CCDC3: variants seen among roughly 807,000 people sequenced by gnomAD.
CCDC3 encodes the protein coiled-coil domain containing 3.
A neutral mutation model predicts 21.4 loss-of-function variants in CCDC3; 24 were observed. The ratio of observed to expected loss-of-function variants is 1.12; its 90% confidence interval spans 0.81 to 1.58. The LOEUF (loss-of-function observed/expected upper bound fraction) is 1.58. Ranked by LOEUF, CCDC3 falls within the 40% of genes most tolerant of loss-of-function variation. CCDC3 has a pLI of 0.00. For missense variants in CCDC3, 425 were observed against 360.9 expected (o/e 1.18, Z -1.44); for synonymous variants, 186 against 166.0 (o/e 1.12, Z -0.93).
chr10:12,953,027 C>T (rs1198469840), intron 2 of CCDC3, among the ~76,000 whole-genome samples: 1 of 152,022 alleles, frequency 6.6e-6, no homozygotes, highest in Admixed American at 6.6e-5. Context: ...CCTGTTGGAC[C>T]CCGTATTAGG....
chr10:12,990,019 G>A (rs11258107), intron 2 of CCDC3, among the ~76,000 whole-genome samples: 13,338 of 151,994 alleles, frequency 0.088, 756 homozygotes, highest in East Asian at 0.14. Context: ...TTGGGAGGCC[G>A]AGGCGGGCAG....
intron 2 of CCDC3, among the ~76,000 whole-genome samples, chr10:12,963,983 G>A (rs917245451): frequency 1.3e-5 from 2 of 151,634 alleles, no homozygotes; most frequent in Non-Finnish European, 2.9e-5. Flanking sequence ...AGCTAATTAA[G>A]CAGGCCTACA....
intron 2 of CCDC3, among the ~76,000 whole-genome samples, chr10:12,912,566 T>C (rs1834286640): frequency 2.0e-5 from 3 of 151,574 alleles, no homozygotes; most frequent in Non-Finnish European, 4.4e-5. Flanking sequence ...CGTAGGTGTT[T>C]TTTTCACTCT....
At chr10:12,955,445 C>T (rs1197653941) in intron 2 of CCDC3, among the ~76,000 whole-genome samples, 1 of 152,140 alleles carries the variant, frequency 6.6e-6, no homozygotes, top group Non-Finnish European at 1.5e-5. Flanking sequence ...TCCAGGCCTG[C>T]CCACAGTTAT....
intron 5 of CCDC3, among the ~76,000 whole-genome samples, chr10:13,038,015 C>A (rs1836400773): frequency 6.6e-6 from 1 of 151,970 alleles, no homozygotes; most frequent in East Asian, 1.9e-4. Flanking sequence ...AAATGTGGTA[C>A]CATGGAATAA....
chr10:13,041,346 T>A (rs1836451154), intron 5 of CCDC3, among the ~76,000 whole-genome samples: 1 of 152,088 alleles, frequency 6.6e-6, no homozygotes, highest in African/African-American at 2.4e-5. Context: ...CTATACAGAC[T>A]AAAACACCAC....
At chr10:12,948,194 G>A (rs1834948161) in intron 2 of CCDC3, among the ~76,000 whole-genome samples, 1 of 152,082 alleles carries the variant, frequency 6.6e-6, no homozygotes, top group Non-Finnish European at 1.5e-5. Flanking sequence ...ACACTCTCTT[G>A]CCTGCCACCA....
intron 3 of CCDC3, among the ~76,000 whole-genome samples, chr10:13,092,904 G>A (rs528362132): frequency 2.6e-4 from 39 of 152,240 alleles, no homozygotes; most frequent in Admixed American, 5.9e-4. Context: ...CCGCAAAGCC[G>A]AAAAGGGTCA....
chr10:13,081,067 CAAAAT>C (rs1837034112), intron 3 of CCDC3, among the ~76,000 whole-genome samples: 1 of 147,964 alleles, frequency 6.8e-6, no homozygotes, highest in South Asian at 2.1e-4. Context: ...AAAGTCCTAA[CAAAAT>C]AAGAAGCCCC....
intron 3 of CCDC3, among the ~76,000 whole-genome samples, chr10:13,083,531 T>C (rs1474575450): frequency 6.6e-6 from 1 of 152,258 alleles, no homozygotes; most frequent in East Asian, 1.9e-4. Flanking sequence ...CTATCCTATG[T>C]AGCTGTTAAA....
At chr10:12,914,808 C>T (rs1236319631) in intron 2 of CCDC3, among the ~76,000 whole-genome samples, 1 of 152,040 alleles carries the variant, frequency 6.6e-6, no homozygotes, top group Non-Finnish European at 1.5e-5. Flanking sequence ...TTTCAAAAAA[C>T]CAACTCTTTA....
intron 2 of CCDC3, among the ~76,000 whole-genome samples, chr10:12,939,930 T>C (rs1834794775): frequency 6.6e-6 from 1 of 152,186 alleles, no homozygotes; most frequent in African/African-American, 2.4e-5. Context: ...AATTTCAAGA[T>C]TGTTAGCTAT....
chr10:12,985,368 G>A (rs1283071802), intron 2 of CCDC3, among the ~76,000 whole-genome samples: 1 of 147,576 alleles, frequency 6.8e-6, no homozygotes, highest in East Asian at 1.9e-4. Context: ...TTAATTTCAG[G>A]GTTTCTTTTA....
At chr10:12,910,285 G>A (rs145609770) in intron 2 of CCDC3, among the ~76,000 whole-genome samples, 4 of 152,282 alleles carry the variant, frequency 2.6e-5, no homozygotes, top group South Asian at 4.2e-4. Context: ...TGCTGGCTAC[G>A]TAGCTGTTTT....
chr10:13,087,404 C>CAAA (rs56772902), intron 3 of CCDC3, among the ~76,000 whole-genome samples: 2 of 125,786 alleles, frequency 1.6e-5, no homozygotes, highest in Non-Finnish European at 1.7e-5. Flanking sequence ...AACTCCATCT[C>CAAA]AAAAAAAAAA....
chr10:12,991,462 A>C (rs1384117012), intron 2 of CCDC3, among the ~76,000 whole-genome samples: 1 of 152,118 alleles, frequency 6.6e-6, no homozygotes, highest in Non-Finnish European at 1.5e-5. Context: ...CTGGGATTAC[A>C]AGCATGTGCC....
At chr10:12,956,113 GGATTACAGGCAT>G (rs1437942933) in intron 2 of CCDC3, among the ~76,000 whole-genome samples, 1 of 152,104 alleles carries the variant, frequency 6.6e-6, no homozygotes, top group African/African-American at 2.4e-5. Context: ...CAAAATGCTG[GGATTACAGGCAT>G]GAGCCACAGC....
At chr10:12,959,199 G>A (rs746109716) in intron 2 of CCDC3, among the ~76,000 whole-genome samples, 13 of 148,290 alleles carry the variant, frequency 8.8e-5, no homozygotes, top group Non-Finnish European at 1.3e-4. Flanking sequence ...ATGGCACCTC[G>A]CTCTGTCCCC....
At chr10:12,983,172 A>G (rs1835533102) in intron 2 of CCDC3, among the ~76,000 whole-genome samples, 1 of 142,162 alleles carries the variant, frequency 7.0e-6, no homozygotes, top group Non-Finnish European at 1.5e-5. Context: ...ATATATATAT[A>G]TAAAATCTAT....
Sources: allele counts gnomAD v4.1 joint callset (sites outside exome capture counted in the v4.1 genomes callset), GRCh38; gene constraint gnomAD v4.1.1; transcripts MANE v1.5; gene names NCBI Gene and HGNC (gene_info 2026-07-23, HGNC 2026-07-21).